The following DLG2 variants were observed in gnomAD, a reference collection of about 807,000 sequenced individuals.
DLG2 encodes disks large homolog 2.
Under a neutral mutation model 132.5 loss-of-function variants are expected in DLG2, and 45 were observed. That is an observed-to-expected ratio of 0.34 (90% CI 0.27 to 0.44). The LOEUF (loss-of-function observed/expected upper bound fraction) is 0.44, where lower values mean the gene tolerates loss of function less well. Among genes scored for constraint, DLG2 ranks in the 20% least tolerant of loss-of-function variants. The pLI is 1.00. For missense variants in DLG2, 1,045 were observed against 1,196.9 expected (o/e 0.87, Z 1.87); for synonymous variants, 424 against 419.6 (o/e 1.01, Z -0.13).
chr11:85,359,096 C>A (rs891571914), intron 3 of DLG2, among the ~76,000 whole-genome samples: 2 of 152,146 alleles, frequency 1.3e-5, no homozygotes, highest in African/African-American at 4.8e-5. Flanking sequence ...CTAGACTATG[C>A]AAAGACATTG....
At chr11:83,600,860 A>C (rs2058423814) in intron 19 of DLG2, among the ~76,000 whole-genome samples, 1 of 152,250 alleles carries the variant, frequency 6.6e-6, no homozygotes, top group Non-Finnish European at 1.5e-5. Context: ...ATGGTGTGAT[A>C]GAGGCTGTTG....
intron 4 of DLG2, among the ~76,000 whole-genome samples, chr11:85,271,800 G>T (rs147428765): frequency 2.0e-5 from 3 of 152,306 alleles, no homozygotes; most frequent in African/African-American, 7.2e-5. Context: ...CCCAATGCCT[G>T]TACCCCTATT....
At chr11:83,725,188 T>G in intron 18 of DLG2, 1 of 367,556 alleles carries the variant, frequency 2.7e-6, no homozygotes, top group East Asian at 4.3e-5. Context: ...CTTTCTCTTC[T>G]CAGTTAAAAA....
At chr11:85,466,696 T>C (rs1016313299) in intron 3 of DLG2, among the ~76,000 whole-genome samples, 1 of 152,240 alleles carries the variant, frequency 6.6e-6, no homozygotes, top group Non-Finnish European at 1.5e-5. Flanking sequence ...AGTAGCATGC[T>C]GTTTTGGTTA....
chr11:85,567,496 A>G (rs2077593782), intron 3 of DLG2, among the ~76,000 whole-genome samples: 2 of 152,132 alleles, frequency 1.3e-5, no homozygotes. Context: ...TGTATTCTAC[A>G]ATCTTTCTGA....
At chr11:85,431,899 C>G (rs994821888) in intron 3 of DLG2, among the ~76,000 whole-genome samples, 3 of 152,196 alleles carry the variant, frequency 2.0e-5, no homozygotes, top group Non-Finnish European at 4.4e-5. Flanking sequence ...ACATCCTGTA[C>G]AGGAGTGTTC....
chr11:83,623,094 C>A (rs1011614360), intron 19 of DLG2, among the ~76,000 whole-genome samples: 1 of 152,032 alleles, frequency 6.6e-6, no homozygotes, highest in Non-Finnish European at 1.5e-5. Flanking sequence ...TCCGGGTGCT[C>A]CAATGTTGGG....
At chr11:83,952,476 G>A (rs1322761191) in intron 14 of DLG2, among the ~76,000 whole-genome samples, 1 of 152,124 alleles carries the variant, frequency 6.6e-6, no homozygotes, top group Non-Finnish European at 1.5e-5. Context: ...TGGAAATTTG[G>A]CATTTATATT....
At chr11:85,001,953 C>A (rs2058252081) in intron 6 of DLG2, among the ~76,000 whole-genome samples, 1 of 152,130 alleles carries the variant, frequency 6.6e-6, no homozygotes. Flanking sequence ...CCTCTAAAAA[C>A]AACTTCCCTA....
intron 7 of DLG2, among the ~76,000 whole-genome samples, chr11:84,427,189 A>G (rs907852420): frequency 6.6e-6 from 1 of 152,076 alleles, no homozygotes; most frequent in East Asian, 1.9e-4. Flanking sequence ...TTCTAGAACT[A>G]GGCAGAATAT....
At chr11:83,764,680 G>T (rs1268743850) in intron 18 of DLG2, among the ~76,000 whole-genome samples, 1 of 152,184 alleles carries the variant, frequency 6.6e-6, no homozygotes, top group African/African-American at 2.4e-5. Context: ...GATACACCAA[G>T]AGGTGAAGTG....
intron 6 of DLG2, among the ~76,000 whole-genome samples, chr11:84,855,335 T>G (rs941656662): frequency 6.6e-6 from 1 of 152,120 alleles, no homozygotes; most frequent in African/African-American, 2.4e-5. Context: ...GAATAATGAA[T>G]GCAGCTCCTT....
chr11:84,626,885 T>TTTTATTTTATTTTATTTTTTTTTATTTTA (rs1395844678), intron 6 of DLG2, among the ~76,000 whole-genome samples: 1 of 151,604 alleles, frequency 6.6e-6, no homozygotes, highest in Non-Finnish European at 1.5e-5. Flanking sequence ...TTTTATTTTA[T>TTTTATTTTATTTTATTTTTTTTTATTTTA]TTTTGAGATG....
chr11:85,564,952 T>C (rs1215263344), intron 3 of DLG2, among the ~76,000 whole-genome samples: 1 of 152,080 alleles, frequency 6.6e-6, no homozygotes, highest in Non-Finnish European at 1.5e-5. Context: ...GAACAGGTCT[T>C]GATTTTGTTA....
At chr11:84,214,228 T>C (rs552965299) in intron 8 of DLG2, among the ~76,000 whole-genome samples, 2 of 133,456 alleles carry the variant, frequency 1.5e-5, no homozygotes, top group African/African-American at 3.6e-5. Context: ...AATACATATA[T>C]ACATATATAT....
At chr11:84,631,214 T>C (rs1214155348) in intron 6 of DLG2, among the ~76,000 whole-genome samples, 2 of 151,940 alleles carry the variant, frequency 1.3e-5, no homozygotes, top group African/African-American at 4.8e-5. Flanking sequence ...GCAGAGACTC[T>C]ATCTTTTCCA....
At chr11:85,009,355 G>T (rs1274570506) in intron 6 of DLG2, among the ~76,000 whole-genome samples, 1 of 151,966 alleles carries the variant, frequency 6.6e-6, no homozygotes, top group African/African-American at 2.4e-5. Context: ...AAAATAAATG[G>T]AATCATTTGA....
chr11:83,499,883 A>ATC (rs2094369642), intron 21 of DLG2, among the ~76,000 whole-genome samples: 1 of 93,226 alleles, frequency 1.1e-5, no homozygotes, highest in African/African-American at 4.8e-5. Context: ...ATATATATAT[A>ATC]TATATATATA....
At chr11:83,592,490 A>G (rs2097205181) in intron 19 of DLG2, among the ~76,000 whole-genome samples, 1 of 151,966 alleles carries the variant, frequency 6.6e-6, no homozygotes, top group Non-Finnish European at 1.5e-5. Flanking sequence ...ACAAAAATCA[A>G]TTCAAGATGG....
Sources: gnomAD v4.1 joint callset for allele counts (sites outside exome capture counted in the v4.1 genomes callset) on GRCh38, gnomAD v4.1.1 for gene constraint, MANE v1.5 for transcripts, NCBI Gene and HGNC (gene_info 2026-07-23, HGNC 2026-07-21) for gene names.